The following NOC2L variants were observed in gnomAD, a reference collection of about 807,000 sequenced individuals.
The protein encoded by NOC2L is NOC2 like nucleolar associated transcriptional repressor.
Under a neutral mutation model 94.2 loss-of-function variants are expected in NOC2L, and 101 were observed. The ratio of observed to expected loss-of-function variants is 1.07; its 90% CI spans 0.91 to 1.26. The LOEUF is 1.26. Ranked by LOEUF, NOC2L falls within the 50% of genes most tolerant of loss-of-function variation. The pLI, the probability that NOC2L is intolerant of heterozygous loss-of-function variation, is 0.00. For missense variants in NOC2L, 1,076 were observed against 980.1 expected (o/e 1.10, Z -1.31); for synonymous variants, 531 against 413.4 (o/e 1.28, Z -3.45).
At chr1:958,433 AG>A (rs1231233101) in intron 2 of NOC2L, 1 of 322,654 alleles carries the variant, frequency 3.1e-6, no homozygotes, top group Non-Finnish European at 6.1e-6. Context: ...TATTTTTAGT[AG>A]AGACATGATT....
intron 2 of NOC2L, chr1:957,794 G>A (rs1256446498): frequency 6.3e-6 from 1 of 159,632 alleles, no homozygotes; most frequent in Non-Finnish European, 1.4e-5. Context: ...CTCAAACCCA[G>A]AAGTAACTCC....
intron 14 of NOC2L, among the ~76,000 whole-genome samples, chr1:947,376 G>A (rs1642142644): frequency 6.6e-6 from 1 of 152,184 alleles, no homozygotes; most frequent in African/African-American, 2.4e-5. Context: ...GGCCGTGTGT[G>A]AGTACACACA....
intron 12 of NOC2L, among the ~76,000 whole-genome samples, 172 bp from the exon 13 acceptor site, chr1:948,775 C>G (rs966571518): frequency 1.1e-4 from 2 of 19,030 alleles, no homozygotes; most frequent in Admixed American, 6.5e-4. Flanking sequence ...AAGAGATAAG[C>G]AGCTAGGCAC....
chr1:953,812 G>C lies in NOC2L; in HGVS notation c.858C>G (p.Thr286=), dbSNP rs750836761. ...HISVLVPCFL[T]FPKQCRMLLK... is the part of the protein sequence containing the mutation. Reference sequence around the variant, plus strand: ...GCAGCATGCGGCACTGCTTGGGGAAGGTCAGGAAGCAGGGCACCAGCACGC... The same window carrying C: ...GCAGCATGCGGCACTGCTTGGGGAACGTCAGGAAGCAGGGCACCAGCACGC... The change falls in exon 8 of 19, where the codon ACC becomes ACG. Residue 286 remains threonine (T), a synonymous_variant. Coordinates refer to ENST00000327044, the MANE Select transcript of NOC2L (RefSeq NM_015658.4). The C allele has an allele frequency of 6.2e-7, 1 of 1,612,932 alleles. No homozygotes were observed. The highest frequency in any genetic ancestry group is 8.5e-7 in the Non-Finnish European group (1 of 1,179,946).
rs1348479390 is a variant in NOC2L at position 944,441 on chromosome 1, G to A, written c.*253C>T. The A allele has an allele frequency of 2.2e-5, 21 of 953,832 alleles. No homozygotes were observed. The East Asian group carries it at 5.2e-4, about 24-fold the overall frequency. The allele number at this position is 953,832 out of a possible 1,614,324, so 59.1% of individuals were successfully genotyped here. On this transcript the variant is annotated 3_prime_UTR_variant, in exon 19 of 19. Transcript: ENST00000327044. Reference sequence around the variant, plus strand: ...CTGGGACTGGTCTCGGTCTGCTGACGTCAGGGTCAGCTCCCCCGCGGAGCT... The same window carrying A: ...CTGGGACTGGTCTCGGTCTGCTGACATCAGGGTCAGCTCCCCCGCGGAGCT...
intron 16 of NOC2L, 99 bp from the exon 17 acceptor site, chr1:945,752 T>C: frequency 6.7e-7 from 1 of 1,485,826 alleles, no homozygotes; most frequent in South Asian, 1.2e-5. Context: ...GGGCCCCATG[T>C]GGCCAATTTC....
chr1:947,379 TAC>T (rs1569936635), intron 14 of NOC2L, among the ~76,000 whole-genome samples: 1 of 152,036 alleles, frequency 6.6e-6, no homozygotes, highest in African/African-American at 2.4e-5. Context: ...CGTGTGTGAG[TAC>T]ACACACATGC....
At chr1:950,852 TCCTGCCTA>T (rs1642242668) in intron 12 of NOC2L, among the ~76,000 whole-genome samples, 2 of 152,126 alleles carry the variant, frequency 1.3e-5, no homozygotes, top group Admixed American at 1.3e-4. Flanking sequence ...CCATCTCGCC[TCCTGCCTA>T]CTCCAGTCTT....
At position 957,130 on chromosome 1, in the gene NOC2L, C is replaced by A; in HGVS notation, c.323G>T (p.Gly108Val). Residue 108 changes from glycine (G) to valine (V), a missense_variant, in exon 3 of 19, where the codon GGG becomes GTG. Physicochemically the swap from Gly to Val is moderately radical, Grantham distance 109. Transcript: ENST00000327044. ...CACATCTGGCAGGGAGTGGAACGGCCCCTCTTCCTCCTCAGAGCTGTCCGA... is the reference window on the plus strand; with the variant it reads ...CACATCTGGCAGGGAGTGGAACGGCACCTCTTCCTCCTCAGAGCTGTCCGA... ...SDSDSSEEEEGPFHSLPDVLE... is the reference protein window; with the variant it reads ...SDSDSSEEEEVPFHSLPDVLE... 11 of 1,614,076 alleles carry A rather than the reference C, an allele frequency of 6.8e-6. No individual in the cohort carries two copies. Among genetic ancestry groups the A allele is most frequent in the Non-Finnish European group, 9.3e-6 (11 of 1,180,042 alleles).
intron 14 of NOC2L, 117 bp from the exon 15 acceptor site, chr1:946,662 G>T: frequency 7.9e-7 from 1 of 1,260,180 alleles, no homozygotes; most frequent in Non-Finnish European, 1.1e-6. Context: ...AGGGGACATG[G>T]ATCCCATCTC....
intron 11 of NOC2L, among the ~76,000 whole-genome samples, chr1:951,537 A>C (rs1043022213): frequency 6.6e-6 from 1 of 151,956 alleles, no homozygotes; most frequent in Non-Finnish European, 1.5e-5. Context: ...CCCAGCCTTG[A>C]GTTTCTAAGG....
Position 944,487 on chromosome 1 carries a change from G to A in NOC2L, c.*207C>T, listed in dbSNP as rs1642027726. 2.9e-6 allele frequency: 2 copies of A among 681,240 alleles called. No individual in the cohort carries two copies. Among genetic ancestry groups the A allele is most frequent in the Non-Finnish European group, 4.7e-6 (2 of 427,168 alleles). The allele number at this position is 681,240 out of a possible 1,614,324, so 42.2% of individuals were successfully genotyped here. A position where few individuals can be genotyped will look rare whatever the true frequency, so the allele number is the denominator to read the frequency against. On this transcript the variant is annotated 3_prime_UTR_variant, in exon 19 of 19. Transcript: ENST00000327044. Reference sequence around the variant, plus strand: ...GAGCTGACTTCAGCAGCCCACAGCTGTGGGGCTTCAGCAGCCACACCAGCC... The same window carrying A: ...GAGCTGACTTCAGCAGCCCACAGCTATGGGGCTTCAGCAGCCACACCAGCC...
Position 944,707 on chromosome 1 carries a change from G to C in NOC2L, c.2237C>G (p.Ser746Ter), listed in dbSNP as rs746347876. 11 of 1,597,360 alleles carry C rather than the reference G, an allele frequency of 6.9e-6. No individual in the cohort carries two copies. Among genetic ancestry groups the C allele is most frequent in the South Asian group, 2.2e-5 (2 of 90,652 alleles). ...PEDELEDLQLSEDD is the reference protein window; with the variant it reads ...PEDELEDLQL ...AGATGGGCTGCCTCAGTCGTCCTCT[G>C]AGAGCTGCAGATCCTCCAGCTCGTC... Residue 746 changes from serine (S) to a stop codon, truncating the protein, a stop_gained, in exon 19 of 19, where the codon TCA (serine) becomes TGA (stop). Coordinates refer to ENST00000327044, the MANE Select transcript of NOC2L (RefSeq NM_015658.4). LOFTEE classifies it high-confidence loss of function.
Position 959,039 on chromosome 1 carries a change from G to A in NOC2L, c.69C>T (p.Gly23=). 2 of 1,611,624 alleles carry A rather than the reference G, an allele frequency of 1.2e-6. No individual in the cohort carries two copies. The highest frequency in any genetic ancestry group is 1.7e-6 in the Non-Finnish European group (2 of 1,179,104). ...ELTVDEFLAS[G]FDSESESESE... Reference sequence around the variant, plus strand: ...ACTCGGATTCGGACTCGGAGTCAAAGCCCGAAGCTAGGAACTCGTCCACCG... The same window carrying A: ...ACTCGGATTCGGACTCGGAGTCAAAACCCGAAGCTAGGAACTCGTCCACCG... Residue 23 remains glycine (G), a synonymous_variant, in exon 2 of 19, where the codon GGC becomes GGT. Transcript: ENST00000327044.
Position 956,969 on chromosome 1 carries a change from G to C in NOC2L, c.411C>G (p.Pro137=), listed in dbSNP as rs748668913. Residue 137 remains proline, a synonymous_variant, in exon 4 of 19, where the codon CCC becomes CCG. Transcript: ENST00000327044. ...AATTCTTCTTCCCCTTCAGCCCTCTGGGGACTCTGTCCCCATCTTCTCCTT... is the reference window on the plus strand; with the variant it reads ...AATTCTTCTTCCCCTTCAGCCCTCTCGGGACTCTGTCCCCATCTTCTCCTT... ...AEEGEDGDRV[P]RGLKGKKNSV... is the part of the protein sequence containing the mutation. 6.4e-5 allele frequency: 103 copies of C among 1,613,932 alleles called. 1 individual carries two copies. In the East Asian group the frequency reaches 2.3e-3, roughly 36 times the overall value.
Position 955,486 on chromosome 1 carries a change from G to A in NOC2L, c.698+437C>T, listed in dbSNP as rs371066678. On this transcript the variant is annotated intron_variant, in intron 6 of 18. Coordinates refer to ENST00000327044, the MANE Select transcript of NOC2L (RefSeq NM_015658.4). The stretch of plus-strand genomic sequence containing the variant: ...CTCTGCCCAATCTTTCTCTAAAGGG[G>A]AAGTTGAGGCCCTCAGGTTCTCAGC... Among the ~76,000 whole-genome samples the A allele has an allele frequency of 3.9e-4, 60 of 152,332 alleles. 3 individuals are homozygous for A. In the South Asian group the frequency reaches 0.012, roughly 31 times the overall value.
chr1:945,698 G>A (rs1178598129), intron 16 of NOC2L, 45 bp from the exon 17 acceptor site: 4 of 1,613,476 alleles, frequency 2.5e-6, no homozygotes, highest in African/African-American at 2.7e-5. Context: ...GAGGGCAGGG[G>A]CTGGCGGCCA....
intron 8 of NOC2L, among the ~76,000 whole-genome samples, 156 bp from the exon 9 acceptor site, chr1:953,444 G>A (rs1642311767): frequency 1.3e-5 from 2 of 152,252 alleles, no homozygotes. Context: ...CTCAGTTACA[G>A]AAGTGAACAG....
chr1:953,397 C>T (rs957599489), intron 8 of NOC2L, 109 bp from the exon 9 acceptor site: 1 of 676,956 alleles, frequency 1.5e-6, no homozygotes, highest in South Asian at 1.7e-5. Flanking sequence ...GCCACCAGCT[C>T]TTCCCAAAGC....
Sources: allele counts gnomAD v4.1 joint callset (sites outside exome capture counted in the v4.1 genomes callset), GRCh38; gene constraint gnomAD v4.1.1; transcripts MANE v1.5; gene names NCBI Gene and HGNC (gene_info 2026-07-23, HGNC 2026-07-21).